RLN2: variants seen among roughly 807,000 people sequenced by gnomAD.
RLN2 encodes the protein relaxin 2, also known as prorelaxin H2.
Under a neutral mutation model 7.3 loss-of-function variants are expected in RLN2, and 10 were observed. The ratio of observed to expected loss-of-function variants is 1.36; its 90% CI spans 0.84 to 2.31. The LOEUF (loss-of-function observed/expected upper bound fraction) is 2.31, where lower values mean the gene tolerates loss of function less well. RLN2 is among the 30% of genes most tolerant of loss of function. The pLI is 0.00. For missense variants in RLN2, 298 were observed against 217.6 expected (o/e 1.37, Z -2.32); for synonymous variants, 103 against 82.3 (o/e 1.25, Z -1.36).
chr9:5,337,734 G>A, the RLN2 span, among the ~76,000 whole-genome samples: 43 of 152,022 alleles, frequency 2.8e-4, no homozygotes, highest in Non-Finnish European at 5.3e-4. Context: ...ATTTTCTGAG[G>A]TTACTTTCAG....
chr9:5,318,385 A>C, the RLN2 span, among the ~76,000 whole-genome samples: 2 of 151,346 alleles, frequency 1.3e-5, no homozygotes, highest in South Asian at 4.2e-4. Context: ...TATTTCCTAC[A>C]CCTCTTGGTG....
chr9:5,326,385 C>G, the RLN2 span, among the ~76,000 whole-genome samples: 1 of 152,040 alleles, frequency 6.6e-6, no homozygotes, highest in Non-Finnish European at 1.5e-5. Context: ...GTGGTACTGC[C>G]TAAAAGGATC....
chr9:5,306,848 G>GT (rs1442419911), upstream of RLN2, among the ~76,000 whole-genome samples: 16 of 152,078 alleles, frequency 1.1e-4, no homozygotes, highest in African/African-American at 3.4e-4. Flanking sequence ...ATTCGAGGCT[G>GT]TAAGTGCTAG....
At chr9:5,332,593 G>C in the RLN2 span, among the ~76,000 whole-genome samples, 3 of 150,466 alleles carry the variant, frequency 2.0e-5, no homozygotes, top group African/African-American at 7.3e-5. Context: ...CTTTGTTATG[G>C]AGCAAGTTGA....
rs1210191329 is a variant in RLN2 at position 5,304,517 on chromosome 9, C to G, written c.64G>C (p.Ala22Pro). The change falls in exon 1 of 2, where the codon GCA (alanine) becomes CCA (proline). Residue 22 changes from alanine (A) to proline (P), a missense_variant. Transcript: ENST00000381627. ...TCCTCCATCCATGAGTCCGCGACTG[C>G]TCTGGAAAATTGGTTCAGTAGTAAA... ...VCLLLNQFSR[A>P]VADSWMEEVI... 1.2e-6 allele frequency: 2 copies of G among 1,613,890 alleles called. No individual in the cohort carries two copies. Among genetic ancestry groups the G allele is most frequent in the South Asian group, 2.2e-5 (2 of 91,046 alleles).
chr9:5,334,784 T>A, the RLN2 span, among the ~76,000 whole-genome samples: 1 of 152,080 alleles, frequency 6.6e-6, no homozygotes, highest in Admixed American at 6.6e-5. Flanking sequence ...TAAATTGGTT[T>A]AGTGTCCAAA....
At chr9:5,311,541 C>T in the RLN2 span, 5 of 739,808 alleles carry the variant, frequency 6.8e-6, no homozygotes, top group East Asian at 2.5e-5. Context: ...ACTAAACCTG[C>T]TCCTCCAAAG....
the RLN2 span, among the ~76,000 whole-genome samples, chr9:5,333,069 A>G: frequency 6.6e-6 from 1 of 152,040 alleles, no homozygotes; most frequent in African/African-American, 2.4e-5. Flanking sequence ...TATGTTCTCT[A>G]TTGAGTAAAC....
chr9:5,316,885 G>C, the RLN2 span, among the ~76,000 whole-genome samples: 1 of 151,978 alleles, frequency 6.6e-6, no homozygotes, highest in Non-Finnish European at 1.5e-5. Context: ...TTCCACAATG[G>C]CTGAACTAAT....
the RLN2 span, among the ~76,000 whole-genome samples, chr9:5,318,167 C>T: frequency 6.6e-6 from 1 of 151,914 alleles, no homozygotes; most frequent in African/African-American, 2.4e-5. Flanking sequence ...GCTACTGCAC[C>T]CAGTCAAAAT....
the RLN2 span, among the ~76,000 whole-genome samples, chr9:5,323,161 C>T: frequency 1.1e-4 from 16 of 151,806 alleles, no homozygotes; most frequent in Non-Finnish European, 1.8e-4. Context: ...CCCAGTACCC[C>T]CAAATCCTTA....
chr9:5,315,965 G>T, the RLN2 span, among the ~76,000 whole-genome samples: 1 of 151,966 alleles, frequency 6.6e-6, no homozygotes, highest in East Asian at 1.9e-4. Flanking sequence ...TCTTCAAGTG[G>T]AAATAAAAGG....
At chr9:5,321,116 C>A in the RLN2 span, among the ~76,000 whole-genome samples, 153 of 152,190 alleles carry the variant, frequency 1.0e-3, no homozygotes, top group Admixed American at 3.1e-3. Context: ...ACAGTTTTAA[C>A]CAAAAGTTTA....
At chr9:5,313,322 T>G in the RLN2 span, among the ~76,000 whole-genome samples, 1 of 152,084 alleles carries the variant, frequency 6.6e-6, no homozygotes, top group Non-Finnish European at 1.5e-5. Flanking sequence ...CATTATATAA[T>G]GACCTTCTTT....
At chr9:5,326,693 T>C in the RLN2 span, among the ~76,000 whole-genome samples, 1 of 152,080 alleles carries the variant, frequency 6.6e-6, no homozygotes, top group East Asian at 1.9e-4. Flanking sequence ...CAGACTATTT[T>C]TAGCGTTCTT....
chr9:5,320,263 G>A, the RLN2 span, among the ~76,000 whole-genome samples: 1 of 151,528 alleles, frequency 6.6e-6, no homozygotes, highest in South Asian at 2.1e-4. Flanking sequence ...TGGGATTACA[G>A]GTGTGAGCCA....
chr9:5,325,774 T>C, the RLN2 span, among the ~76,000 whole-genome samples: 76 of 152,240 alleles, frequency 5.0e-4, no homozygotes, highest in Non-Finnish European at 1.2e-4. Context: ...ATTTATGTTC[T>C]AGGTGAAGAC....
the RLN2 span, among the ~76,000 whole-genome samples, chr9:5,315,290 A>G: frequency 6.6e-6 from 1 of 151,878 alleles, no homozygotes; most frequent in East Asian, 1.9e-4. Context: ...CTTAGAGCTC[A>G]AGAACTGAGT....
the RLN2 span, among the ~76,000 whole-genome samples, chr9:5,310,884 TTC>T: frequency 6.6e-6 from 1 of 152,086 alleles, no homozygotes; most frequent in African/African-American, 2.4e-5. Flanking sequence ...GAACAAAGTG[TTC>T]TGTTTTATCA....
Sources: allele counts gnomAD v4.1 joint callset (sites outside exome capture counted in the v4.1 genomes callset), GRCh38; gene constraint gnomAD v4.1.1; transcripts MANE v1.5; gene names NCBI Gene and HGNC (gene_info 2026-07-23, HGNC 2026-07-21).